The following CDH3 variants were observed in gnomAD, a reference collection of about 807,000 sequenced individuals.
CDH3 encodes cadherin 3.
A neutral mutation model predicts 82.0 loss-of-function variants in CDH3; 54 were observed. The observed-to-expected ratio is 0.66, with a 90% CI of 0.53 to 0.83. The LOEUF is 0.83. Ranked by LOEUF, CDH3 falls within the 40% of genes least tolerant of loss-of-function variation. The pLI is 0.00. For missense variants in CDH3, 1,054 were observed against 1,084.6 expected, an observed-to-expected ratio of 0.97 and a Z score of 0.40; for synonymous variants, 446 against 437.9, an observed-to-expected ratio of 1.02 and a Z score of -0.23.
chr16:68,716,817 G>A (rs548238816), intron 1 of CDH3, among the ~76,000 whole-genome samples: 33 of 151,736 alleles, frequency 2.2e-4, no homozygotes, highest in African/African-American at 6.3e-4. Flanking sequence ...TCAACCTCCC[G>A]GGCTCAAGTG....
rs199604730 is a variant in CDH3, at chr16:68,654,702, CAAA to C, written c.160+8962_160+8964del. ...TGGGTGACCGAGCAAGACTCTGTCT[CAAA>C]AAAAAAAAATATATATATATATATA... On this transcript the variant is annotated intron_variant, in intron 2 of 15. Coordinates refer to ENST00000264012, the MANE Select transcript of CDH3 (RefSeq NM_001793.6). 6.5e-3 allele frequency among the ~76,000 whole-genome samples: 807 copies of C among 124,264 alleles called. 7 individuals carry two copies. The highest frequency in any genetic ancestry group is 0.024 in the African/African-American group (749 of 31,416). The allele number at this position is 124,264 out of a possible 152,430, so 81.5% of individuals were successfully genotyped here.
chr16:68,653,064 C>G (rs1312635517), intron 2 of CDH3, among the ~76,000 whole-genome samples: 1 of 152,098 alleles, frequency 6.6e-6, no homozygotes, highest in Non-Finnish European at 1.5e-5. Flanking sequence ...GTACTGTGAT[C>G]CTGGACTGAG....
intron 2 of CDH3, among the ~76,000 whole-genome samples, chr16:68,665,627 T>C (rs757920981): frequency 6.6e-6 from 1 of 152,172 alleles, no homozygotes; most frequent in African/African-American, 2.4e-5. Flanking sequence ...AGACCCTTAA[T>C]TGTTACCACA....
At chr16:68,676,177 G>T (rs1393672425) in intron 2 of CDH3, among the ~76,000 whole-genome samples, 1 of 152,146 alleles carries the variant, frequency 6.6e-6, no homozygotes, top group Non-Finnish European at 1.5e-5. Flanking sequence ...ACCACCAGGC[G>T]ATCTTCCCTC....
At chr16:68,732,333 TC>T (rs1412092809), downstream of CDH3, among the ~76,000 whole-genome samples, 1 of 152,132 alleles carries the variant, frequency 6.6e-6, no homozygotes, top group African/African-American at 2.4e-5. Flanking sequence ...GAGGGGCACC[TC>T]CCACCCCAAT....
At chr16:68,702,053 A>G (rs1961903982), downstream of CDH3, among the ~76,000 whole-genome samples, 1 of 151,064 alleles carries the variant, frequency 6.6e-6, no homozygotes, top group Admixed American at 6.6e-5. Flanking sequence ...AGATATATCT[A>G]TAGATAGGTA....
Position 68,645,329 on chromosome 16 carries a change from G to C in CDH3, c.-51G>C. ...GTGCTCAAAGGGGCAAGAGCTGAGC[G>C]GAACACCGGCCCGCCGTCGCGGCAG... On this transcript the variant is annotated 5_prime_UTR_variant, in exon 1 of 16. Coordinates refer to ENST00000264012, the MANE Select transcript of CDH3 (RefSeq NM_001793.6). 1.3e-6 allele frequency: 2 copies of C among 1,593,172 alleles called. No homozygotes were observed. Among genetic ancestry groups the C allele is most frequent in the Non-Finnish European group, 1.7e-6 (2 of 1,164,846 alleles).
chr16:68,722,220 G>A (rs1424244340), intron 1 of CDH3, among the ~76,000 whole-genome samples: 1 of 152,176 alleles, frequency 6.6e-6, no homozygotes, highest in East Asian at 1.9e-4. Context: ...ATAGGGAGGG[G>A]CCCCTGTCAC....
At chr16:68,720,009 G>T (rs924516225) in intron 1 of CDH3, among the ~76,000 whole-genome samples, 1 of 151,912 alleles carries the variant, frequency 6.6e-6, no homozygotes, top group African/African-American at 2.4e-5. Context: ...AACAAAATTA[G>T]CCAGGCATGG....
chr16:68,702,331 G>C (rs1050150563), downstream of CDH3, among the ~76,000 whole-genome samples: 7 of 152,084 alleles, frequency 4.6e-5, no homozygotes, highest in Admixed American at 1.3e-4. Flanking sequence ...CCTTAACAAT[G>C]TCAAACAACT....
rs1961379094 is a variant in CDH3 at position 68,685,340 on chromosome 16, C to T, written c.1560C>T (p.Ala520=). 6.2e-7 allele frequency: 1 copy of T among 1,614,050 alleles called. No homozygotes were observed. The change falls in exon 11 of 16, where the codon GCC becomes GCT. Residue 520 remains alanine, a synonymous_variant. Coordinates refer to ENST00000264012, the MANE Select transcript of CDH3 (RefSeq NM_001793.6). ...ACATCTATGAAGTCATGGTCTTGGC[C>T]ATGGACAATGGTGAGAGCATCCTCC... ...RNNIYEVMVL[A]MDNGSPPTTG...
At chr16:68,720,329 C>T (rs1962146418) in intron 1 of CDH3, among the ~76,000 whole-genome samples, 1 of 151,754 alleles carries the variant, frequency 6.6e-6, no homozygotes, top group Non-Finnish European at 1.5e-5. Flanking sequence ...CAAGGGAATT[C>T]CCCATGCATA....
intron 1 of CDH3, among the ~76,000 whole-genome samples, chr16:68,715,320 G>T (rs186855091): frequency 6.6e-6 from 1 of 151,948 alleles, no homozygotes; most frequent in South Asian, 2.1e-4. Context: ...CCAGCTACTC[G>T]GGAGGCTGAG....
Position 68,660,249 on chromosome 16 carries a change from C to T in CDH3, c.160+14499C>T, listed in dbSNP as rs200016820. The stretch of plus-strand genomic sequence containing the variant: ...CTGCTGTAAACTTAAGGTTACTATA[C>T]CATTTAAAAATAGTTTTCATACTAA... On this transcript the variant is annotated intron_variant, in intron 2 of 15. Coordinates refer to ENST00000264012, the MANE Select transcript of CDH3 (RefSeq NM_001793.6). Among the ~76,000 whole-genome samples the T allele has an allele frequency of 6.6e-5, 10 of 152,274 alleles. No individual in the cohort carries two copies. The East Asian group carries it at 1.5e-3, about 23-fold the overall frequency.
At chr16:68,688,616 TTTTTTG>T (rs147242022) in intron 12 of CDH3, among the ~76,000 whole-genome samples, 138 of 151,102 alleles carry the variant, frequency 9.1e-4, no homozygotes, top group African/African-American at 3.2e-3. Flanking sequence ...GTCACTAGGG[TTTTTTG>T]TTTTTGTTTT....
rs1271403569 is a variant in CDH3 at position 68,687,667 on chromosome 16, A to G, written c.1726A>G (p.Thr576Ala). The change falls in exon 12 of 16, where the codon ACC becomes GCC. Residue 576 changes from threonine (T) to alanine (A), a missense_variant. Thr to Ala is a moderately conservative substitution (Grantham distance 58). Transcript: ENST00000264012. ...NITDKDLSPH[T>A]SPFQAQLTDD... is the part of the protein sequence containing the mutation. ...CACGGACAAGGACCTGTCTCCCCACACCTCCCCTTTCCAGGCCCAGCTCAC... is the reference window on the plus strand; with the variant it reads ...CACGGACAAGGACCTGTCTCCCCACGCCTCCCCTTTCCAGGCCCAGCTCAC... The G allele has an allele frequency of 1.9e-6, 3 of 1,613,314 alleles. No individual in the cohort carries two copies. Among genetic ancestry groups the G allele is most frequent in the Non-Finnish European group, 2.5e-6 (3 of 1,179,910 alleles).
At chr16:68,647,485 A>C (rs1396616698) in intron 2 of CDH3, among the ~76,000 whole-genome samples, 1 of 152,080 alleles carries the variant, frequency 6.6e-6, no homozygotes, top group Non-Finnish European at 1.5e-5. Flanking sequence ...TTTAGAGGAA[A>C]TTCAGCTTTC....
At chr16:68,718,902 C>T (rs1962125793) in intron 1 of CDH3, among the ~76,000 whole-genome samples, 1 of 152,046 alleles carries the variant, frequency 6.6e-6, no homozygotes, top group Non-Finnish European at 1.5e-5. Flanking sequence ...ATGGATACAA[C>T]AATTAATTGT....
chr16:68,647,970 A>G (rs569722477), intron 2 of CDH3, among the ~76,000 whole-genome samples: 1 of 152,310 alleles, frequency 6.6e-6, no homozygotes, highest in South Asian at 2.1e-4. Context: ...TTCAGCTCAA[A>G]GAACTTATCT....
Sources: gnomAD v4.1 joint callset for allele counts (sites outside exome capture counted in the v4.1 genomes callset) on GRCh38, gnomAD v4.1.1 for gene constraint, MANE v1.5 for transcripts, NCBI Gene and HGNC (gene_info 2026-07-23, HGNC 2026-07-21) for gene names.